The following MYOF variants were observed in gnomAD, a reference collection of about 807,000 sequenced individuals.
MYOF encodes the protein fer-1-like 3, myoferlin.
MYOF carries 244 observed loss-of-function variants against 284.2 expected under a neutral mutation model. The ratio of observed to expected loss-of-function variants is 0.86; its 90% CI spans 0.77 to 0.95. The LOEUF is 0.95. Among genes scored for constraint, MYOF ranks in the 40% least tolerant of loss-of-function variants. The pLI, the probability that MYOF is intolerant of heterozygous loss-of-function variation, is 0.00. For synonymous variants in MYOF, 904 were observed against 919.7 expected (o/e 0.98, Z 0.31); for missense variants, 2,496 against 2,560.6 (o/e 0.97, Z 0.54).
intron 1 of MYOF, among the ~76,000 whole-genome samples, chr10:93,471,404 C>A (rs2134386859): frequency 6.6e-6 from 1 of 152,038 alleles, no homozygotes; most frequent in Admixed American, 6.6e-5. Flanking sequence ...CTAAACAACT[C>A]AATCTGTTCA....
chr10:93,382,984 C>T (rs1243744992), intron 19 of MYOF, among the ~76,000 whole-genome samples: 1 of 152,148 alleles, frequency 6.6e-6, no homozygotes, highest in Non-Finnish European at 1.5e-5. Context: ...CAACCTCTGC[C>T]TCCTGGATTC....
rs1847420450 is a variant in MYOF, at chr10:93,403,951, T to G, written c.843+72A>C. 2.0e-6 allele frequency: 3 copies of G among 1,527,176 alleles called. No individual in the cohort carries two copies. In the East Asian group the frequency reaches 6.7e-5, roughly 34 times the overall value. The allele number at this position is 1,527,176 out of a possible 1,614,324, so 94.6% of individuals were successfully genotyped here. A position where few individuals can be genotyped will look rare whatever the true frequency, so the allele number is the denominator to read the frequency against. ...CCAAGATGCCACCAAGATGCGTACA[T>G]AGGAATCAGATTTCTATTATGAAAG... On this transcript the variant is annotated intron_variant, in intron 9 of 53. Coordinates refer to ENST00000359263, the MANE Select transcript of MYOF (RefSeq NM_013451.4).
In MYOF at chr10:93,381,201, TG is replaced by T. The variant is rs2134001506; in HGVS notation, c.1876+17del. On this transcript the variant is annotated intron_variant, in intron 20 of 53. Coordinates refer to ENST00000359263, the MANE Select transcript of MYOF (RefSeq NM_013451.4). ...CCCATTGTAAACGTGTGGAGAGAAC[TG>T]TTAGTGCCAATCTTACCATCAAATA... The T allele has an allele frequency of 6.2e-7, 1 of 1,613,724 alleles. No homozygotes were observed. Among genetic ancestry groups the T allele is most frequent in the Non-Finnish European group, 8.5e-7 (1 of 1,179,738 alleles).
intron 38 of MYOF, 76 bp downstream of exon 38, chr10:93,343,780 G>T: frequency 6.9e-7 from 1 of 1,452,370 alleles, no homozygotes; most frequent in Non-Finnish European, 9.7e-7. Context: ...TTGTTTGACT[G>T]AATTCACCAA....
In MYOF at chr10:93,363,982, G is replaced by C; in HGVS notation, c.2847C>G (p.Ala949=). 1 of 1,614,118 alleles carries C rather than the reference G, an allele frequency of 6.2e-7. No individual in the cohort carries two copies. The change falls in exon 27 of 54, where the codon GCC becomes GCG. Residue 949 remains alanine, a synonymous_variant. Coordinates refer to ENST00000359263, the MANE Select transcript of MYOF (RefSeq NM_013451.4). ...SRYPGGDWKP[A]EDTYTDANGD... The stretch of plus-strand genomic sequence containing the variant: ...TCACCGCATCCGTGTAGGTGTCCTC[G>C]GCCGGCTTCCAGTCGCCCCCGGGGT...
Position 93,372,929 on chromosome 10 carries a change from C to A in MYOF, c.2457+1G>T, listed in dbSNP as rs1412318973. Reference sequence around the variant, plus strand: ...TCACATGACACAGTGAAGATATGTACCTTCAGAAAGATGGTTTGGGTTTTC... The same window carrying A: ...TCACATGACACAGTGAAGATATGTAACTTCAGAAAGATGGTTTGGGTTTTC... On this transcript the variant is annotated splice_donor_variant, in intron 24 of 53. Coordinates refer to ENST00000359263, the MANE Select transcript of MYOF (RefSeq NM_013451.4). LOFTEE classifies it high-confidence loss of function. 6.2e-7 allele frequency: 1 copy of A among 1,613,964 alleles called. No individual in the cohort carries two copies. Among genetic ancestry groups the A allele is most frequent in the African/African-American group, 1.3e-5 (1 of 74,916 alleles).
chr10:93,381,222 C>T lies in MYOF; in HGVS notation c.1873G>A (p.Asp625Asn), dbSNP rs759656494. Residue 625 changes from aspartate to asparagine, a missense_variant, in exon 20 of 54, where the codon GAT becomes AAT. Asp to Asn is a conservative substitution (Grantham distance 23, BLOSUM62 1). Around this residue, in one of 3 missense-constraint regions of MYOF, gnomAD observed 2,436 missense variants for 2,480.7 expected, o/e 0.98. Transcript: ENST00000359263. ...GAACTGTTAGTGCCAATCTTACCATCAAATACAGCACGGCTGTACTGAGTT... is the reference window on the plus strand; with the variant it reads ...GAACTGTTAGTGCCAATCTTACCATTAAATACAGCACGGCTGTACTGAGTT... ...STTQYSRAVF[D>N]GNYYYYLPWA... 6.2e-7 allele frequency: 1 copy of T among 1,614,114 alleles called. No homozygotes were observed. Among genetic ancestry groups the T allele is most frequent in the South Asian group, 1.1e-5 (1 of 91,054 alleles).
chr10:93,347,278 C>T (rs1320425080), intron 37 of MYOF, among the ~76,000 whole-genome samples: 2 of 152,116 alleles, frequency 1.3e-5, no homozygotes, highest in Non-Finnish European at 2.9e-5. Context: ...GACGGCCGGG[C>T]GCGGTGGCTC....
At chr10:93,401,674 G>A in intron 11 of MYOF, 130 bp from the exon 12 acceptor site, 2 of 1,211,124 alleles carry the variant, frequency 1.7e-6, no homozygotes, top group Non-Finnish European at 2.3e-6. Flanking sequence ...GGGCTTAAGA[G>A]TTCAGCCTGC....
intron 3 of MYOF, among the ~76,000 whole-genome samples, chr10:93,451,646 T>C (rs1452163067): frequency 6.6e-6 from 1 of 151,624 alleles, no homozygotes; most frequent in African/African-American, 2.4e-5. Flanking sequence ...GGGCTGAAAG[T>C]AAAACTTGAA....
At chr10:93,466,038 G>C (rs2057002881) in intron 1 of MYOF, among the ~76,000 whole-genome samples, 1 of 152,154 alleles carries the variant, frequency 6.6e-6, no homozygotes, top group Admixed American at 6.5e-5. Context: ...CTGGCAGGCA[G>C]CCTGGCAGCC....
intron 29 of MYOF, among the ~76,000 whole-genome samples, chr10:93,359,158 G>A (rs12263920): frequency 0.047 from 7,109 of 152,132 alleles, 402 homozygotes; most frequent in African/African-American, 0.14. Context: ...GACTTAGCCC[G>A]GGTTCCAGCA....
chr10:93,400,929 G>A lies in MYOF; in HGVS notation c.1117+489C>T, dbSNP rs180950323. On this transcript the variant is annotated intron_variant, in intron 12 of 53. Coordinates refer to ENST00000359263, the MANE Select transcript of MYOF (RefSeq NM_013451.4). Reference sequence around the variant, plus strand: ...GCTGGAGTGCAGTGGTGTGGCTCACGGCAACCTCCGCCTCCTGGGTTCAAG... The same window carrying A: ...GCTGGAGTGCAGTGGTGTGGCTCACAGCAACCTCCGCCTCCTGGGTTCAAG... Among the ~76,000 whole-genome samples the A allele has an allele frequency of 2.0e-3, 289 of 142,282 alleles. 1 individual carries two copies. The highest frequency in any genetic ancestry group is 7.2e-3 in the African/African-American group (277 of 38,400). 93.3% of individuals were successfully genotyped at this position (142,282 alleles called of 152,430 possible).
chr10:93,325,490 A>G (rs1482930486), intron 46 of MYOF, among the ~76,000 whole-genome samples: 1 of 152,164 alleles, frequency 6.6e-6, no homozygotes, highest in African/African-American at 2.4e-5. Flanking sequence ...GCATTACAAC[A>G]CACAAGCACT....
intron 41 of MYOF, 77 bp downstream of exon 41, chr10:93,335,844 C>T (rs1246626614): frequency 7.8e-6 from 12 of 1,533,052 alleles, no homozygotes; most frequent in South Asian, 1.2e-5. Context: ...CTCCCTAGAG[C>T]CTGGTTGTCC....
chr10:93,423,164 C>A (rs1418236711), intron 5 of MYOF, among the ~76,000 whole-genome samples: 1 of 152,058 alleles, frequency 6.6e-6, no homozygotes, highest in East Asian at 1.9e-4. Context: ...CCACAGTGAC[C>A]TTATCTTAAC....
At chr10:93,436,974 A>G (rs1353919332) in intron 3 of MYOF, among the ~76,000 whole-genome samples, 2 of 152,232 alleles carry the variant, frequency 1.3e-5, no homozygotes, top group Non-Finnish European at 2.9e-5. Context: ...TCTCAAAAGG[A>G]AATTTTTTAG....
At chr10:93,444,073 T>A (rs2056358030) in intron 3 of MYOF, among the ~76,000 whole-genome samples, 1 of 152,214 alleles carries the variant, frequency 6.6e-6, no homozygotes, top group African/African-American at 2.4e-5. Context: ...GACCTTTGTA[T>A]CCTGACCCCT....
chr10:93,328,970 T>A, intron 44 of MYOF, 59 bp from the exon 45 acceptor site: 1 of 1,539,870 alleles, frequency 6.5e-7, no homozygotes, highest in African/African-American at 1.4e-5. Context: ...CTTCTCAGAT[T>A]CACACATACA....
Sources: gnomAD v4.1 joint callset for allele counts (sites outside exome capture counted in the v4.1 genomes callset) on GRCh38, gnomAD v4.1.1 for gene constraint, gnomAD v4.1.1 regional missense constraint, MANE v1.5 for transcripts, NCBI Gene and HGNC (gene_info 2026-07-23, HGNC 2026-07-21) for gene names.